COL11A1: variants seen among roughly 807,000 people sequenced by gnomAD.
COL11A1 encodes collagen type XI alpha 1 chain.
A neutral mutation model predicts 265.2 loss-of-function variants in COL11A1; 74 were observed. That is an observed-to-expected ratio of 0.28 (90% CI 0.23 to 0.34). The LOEUF (loss-of-function observed/expected upper bound fraction) is 0.34. COL11A1 is among the 10% of genes least tolerant of loss of function. The pLI is 1.00. For missense variants in COL11A1, 2,165 were observed against 2,263.6 expected, an observed-to-expected ratio of 0.96 and a Z score of 0.88; for synonymous variants, 816 against 727.6, an observed-to-expected ratio of 1.12 and a Z score of -1.96.
chr1:103,033,790 G>A (rs548416822), intron 4 of COL11A1, among the ~76,000 whole-genome samples: 1 of 152,014 alleles, frequency 6.6e-6, no homozygotes, highest in East Asian at 1.9e-4. Context: ...TTTAAATATG[G>A]GAATGTCTTA....
intron 54 of COL11A1, among the ~76,000 whole-genome samples, chr1:102,904,883 C>T (rs920627432): frequency 6.6e-6 from 1 of 151,840 alleles, no homozygotes; most frequent in Non-Finnish European, 1.5e-5. Context: ...GGGTATATAC[C>T]CAAAGGATTA....
rs367621214 is a variant in COL11A1, at chr1:102,979,329, G to A, written c.2610+53C>T. The A allele has an allele frequency of 1.3e-4, 177 of 1,396,820 alleles. 1 individual carries two copies. The African/African-American group carries it at 2.2e-3, about 18-fold the overall frequency. The allele number at this position is 1,396,820 out of a possible 1,614,324, so 86.5% of individuals were successfully genotyped here. A position where few individuals can be genotyped will look rare whatever the true frequency, so the allele number is the denominator to read the frequency against. On this transcript the variant is annotated intron_variant, in intron 32 of 66. Transcript: ENST00000370096. ...TGGGAATACAGGCACACACCACTAT[G>A]TCCAGCTAAGAACACTTATATACAT...
rs1350021383 is a variant in COL11A1, at chr1:103,082,802, T to C, written c.274+3A>G. 1.2e-6 allele frequency: 2 copies of C among 1,610,294 alleles called. No homozygotes were observed. The highest frequency in any genetic ancestry group is 1.7e-6 in the Non-Finnish European group (2 of 1,177,094). ...AACAATAATAATAATAAAGTGAATA[T>C]ACCTGGAAATAACTGTTTTGTTGGG... is the stretch of plus-strand genomic sequence containing the variant. On this transcript the variant is annotated splice_donor_region_variant and intron_variant, in intron 2 of 66. Transcript: ENST00000370096.
At chr1:102,922,558 G>A (rs888344360) in intron 47 of COL11A1, among the ~76,000 whole-genome samples, 3 of 151,986 alleles carry the variant, frequency 2.0e-5, no homozygotes, top group Non-Finnish European at 4.4e-5. Flanking sequence ...CACCATGCCC[G>A]GCTAATTTTG....
intron 57 of COL11A1, among the ~76,000 whole-genome samples, chr1:102,891,190 G>A (rs562287412): frequency 3.2e-4 from 49 of 152,162 alleles, no homozygotes; most frequent in African/African-American, 1.2e-3. Flanking sequence ...TTACTGGAGA[G>A]AGACATATAC....
chr1:102,954,817 C>A (rs1207556876), intron 41 of COL11A1, among the ~76,000 whole-genome samples: 1 of 148,980 alleles, frequency 6.7e-6, no homozygotes, highest in Non-Finnish European at 1.5e-5. Flanking sequence ...GCATTCCAGA[C>A]TGGGCGACAA....
rs1056770723 is a variant in COL11A1 at position 102,975,005 on chromosome 1, C to G, written c.2755-122G>C. On this transcript the variant is annotated intron_variant, in intron 35 of 66. Coordinates refer to ENST00000370096, the MANE Select transcript of COL11A1 (RefSeq NM_001854.4). The stretch of plus-strand genomic sequence containing the variant: ...TCATACAGCTTCTTCATCACAGTGA[C>G]AGAACTATGGTAATACAACACGATA... 37 of 757,944 alleles carry G rather than the reference C, an allele frequency of 4.9e-5. No individual in the cohort carries two copies. In the African/African-American group the frequency reaches 5.2e-4, roughly 11 times the overall value. The allele number at this position is 757,944 out of a possible 1,614,324, so 47.0% of individuals were successfully genotyped here. A position where few individuals can be genotyped will look rare whatever the true frequency, so the allele number is the denominator to read the frequency against.
At chr1:103,094,290 G>A (rs1220959365) in intron 1 of COL11A1, among the ~76,000 whole-genome samples, 2 of 152,112 alleles carry the variant, frequency 1.3e-5, no homozygotes, top group African/African-American at 2.4e-5. Context: ...AGAAATAGAA[G>A]AGGCAGTGTC....
At chr1:102,957,203 G>T (rs185586850) in intron 41 of COL11A1, among the ~76,000 whole-genome samples, 21 of 152,086 alleles carry the variant, frequency 1.4e-4, no homozygotes, top group Middle Eastern at 3.4e-3. Flanking sequence ...TAAATAAAGA[G>T]AATAGATGCT....
At chr1:103,066,942 G>T (rs1671203160) in intron 4 of COL11A1, among the ~76,000 whole-genome samples, 1 of 151,874 alleles carries the variant, frequency 6.6e-6, no homozygotes, top group African/African-American at 2.4e-5. Context: ...AGTGGAGATA[G>T]AGAGCTATTT....
intron 4 of COL11A1, among the ~76,000 whole-genome samples, chr1:103,049,794 G>C (rs1669639419): frequency 6.6e-6 from 1 of 152,072 alleles, no homozygotes; most frequent in Non-Finnish European, 1.5e-5. Context: ...GGGTAGGCCT[G>C]GTGGTGACAA....
chr1:102,966,066 C>T (rs2101598729), intron 37 of COL11A1, among the ~76,000 whole-genome samples: 1 of 152,238 alleles, frequency 6.6e-6, no homozygotes, highest in Admixed American at 6.5e-5. Flanking sequence ...TTGTAAGAAA[C>T]TCAAGAGATA....
intron 3 of COL11A1, among the ~76,000 whole-genome samples, chr1:103,077,256 C>G (rs1672046131): frequency 6.6e-6 from 1 of 151,436 alleles, no homozygotes; most frequent in African/African-American, 2.4e-5. Flanking sequence ...TTTAAGGATA[C>G]ATTCATAGTA....
rs570649026 is a variant in COL11A1 at position 102,973,199 on chromosome 1, A to G, written c.2808+1631T>C. On this transcript the variant is annotated intron_variant, in intron 36 of 66. Coordinates refer to ENST00000370096, the MANE Select transcript of COL11A1 (RefSeq NM_001854.4). ...CTAATGTTTCACTTGTTAGAGAAAC[A>G]TAGTATAAAAATCACTTTGTTTATC... 1.7e-3 allele frequency among the ~76,000 whole-genome samples: 265 copies of G among 152,290 alleles called. 3 individuals are homozygous for G. The highest frequency in any genetic ancestry group is 6.2e-3 in the African/African-American group (256 of 41,582).
At chr1:102,956,267 T>G (rs1002729546) in intron 41 of COL11A1, among the ~76,000 whole-genome samples, 1 of 152,188 alleles carries the variant, frequency 6.6e-6, no homozygotes, top group African/African-American at 2.4e-5. Context: ...CAAAAAACAT[T>G]GTTCTCACCT....
intron 4 of COL11A1, among the ~76,000 whole-genome samples, chr1:103,049,421 C>G (rs1193749863): frequency 6.6e-6 from 1 of 152,118 alleles, no homozygotes; most frequent in African/African-American, 2.4e-5. Context: ...AGCATTGCAA[C>G]CCCTGCCTTT....
intron 37 of COL11A1, among the ~76,000 whole-genome samples, chr1:102,969,211 A>T (rs1188696097): frequency 1.3e-5 from 2 of 152,230 alleles, no homozygotes; most frequent in Non-Finnish European, 2.9e-5. Context: ...GAAACTAAGA[A>T]TTGCCACATG....
Position 103,002,767 on chromosome 1 carries a change from G to A in COL11A1, c.2023C>T (p.Pro675Ser), listed in dbSNP as rs1189438796. 6.2e-7 allele frequency: 1 copy of A among 1,612,508 alleles called. No homozygotes were observed. The highest frequency in any genetic ancestry group is 1.1e-5 in the South Asian group (1 of 91,016). The change falls in exon 22 of 67, where the codon CCA becomes TCA. Residue 675 changes from proline (P) to serine (S), a missense_variant. By Grantham distance (74) the Pro-to-Ser change is moderately conservative. Coordinates refer to ENST00000370096, the MANE Select transcript of COL11A1 (RefSeq NM_001854.4). ...CATACCATGTTCCCTTTTGGTCCTG[G>A]GGGGCCATCTACACCTGCCATACCC... ...QPGMAGVDGP[P>S]GPKGNMGPQG... is the part of the protein sequence containing the mutation.
chr1:103,048,477 A>G (rs1669501526), intron 4 of COL11A1, among the ~76,000 whole-genome samples: 1 of 151,030 alleles, frequency 6.6e-6, no homozygotes, highest in Admixed American at 6.6e-5. Context: ...TATTGCGTCT[A>G]TTCTTCTCTC....
Sources: gnomAD v4.1 joint callset for allele counts (sites outside exome capture counted in the v4.1 genomes callset) on GRCh38, gnomAD v4.1.1 for gene constraint, MANE v1.5 for transcripts, NCBI Gene and HGNC (gene_info 2026-07-23, HGNC 2026-07-21) for gene names.